EYS: variants seen among roughly 807,000 people sequenced by gnomAD.
The protein encoded by EYS is EGF-like photoreceptor maintenance factor.
In EYS, 250 loss-of-function variants were observed where a neutral mutation model predicts 282.1. The observed-to-expected ratio is 0.89, with a 90% CI of 0.80 to 0.98. The LOEUF (loss-of-function observed/expected upper bound fraction) is 0.98, where lower values mean the gene tolerates loss of function less well. EYS is among the 50% of genes least tolerant of loss of function. The pLI is 0.00. For missense variants in EYS, 4,016 were observed against 3,709.0 expected (o/e 1.08, Z -2.15); for synonymous variants, 1,355 against 1,282.9 (o/e 1.06, Z -1.20).
chr6:64,193,890 C>T (rs1002582273), intron 31 of EYS, among the ~76,000 whole-genome samples: 7 of 152,108 alleles, frequency 4.6e-5, no homozygotes, highest in Non-Finnish European at 1.0e-4. Context: ...TTTCTGAATC[C>T]AGTCTATCAT....
chr6:65,580,982 T>C (rs1367625997), intron 2 of EYS, among the ~76,000 whole-genome samples: 2 of 152,122 alleles, frequency 1.3e-5, no homozygotes, highest in East Asian at 1.9e-4. Context: ...ATTTGACATA[T>C]TTTAATCTAT....
intron 39 of EYS, among the ~76,000 whole-genome samples, chr6:63,785,765 T>C (rs906871216): frequency 1.3e-4 from 20 of 152,184 alleles, no homozygotes; most frequent in African/African-American, 4.6e-4. Flanking sequence ...TCCCAGCACT[T>C]TGGGAGGCCG....
intron 14 of EYS, among the ~76,000 whole-genome samples, chr6:64,947,135 A>G (rs1769312592): frequency 1.3e-5 from 2 of 151,874 alleles, no homozygotes; most frequent in African/African-American, 2.4e-5. Context: ...CTAGCACCCT[A>G]TGTTTAATTA....
intron 29 of EYS, among the ~76,000 whole-genome samples, chr6:64,376,385 G>A (rs1469441250): frequency 6.6e-6 from 1 of 152,176 alleles, no homozygotes; most frequent in African/African-American, 2.4e-5. Flanking sequence ...TTACAACCCT[G>A]AGGATAAATA....
chr6:65,547,922 T>C (rs1392045039), intron 2 of EYS, among the ~76,000 whole-genome samples: 1 of 152,142 alleles, frequency 6.6e-6, no homozygotes, highest in Non-Finnish European at 1.5e-5. Flanking sequence ...GAGGCCTCCT[T>C]ATTTACCTTG....
intron 2 of EYS, among the ~76,000 whole-genome samples, chr6:65,558,795 A>G (rs1562258596): frequency 6.6e-6 from 1 of 152,242 alleles, no homozygotes; most frequent in East Asian, 1.9e-4. Context: ...TGTCTGGAGA[A>G]CACACAGAGG....
chr6:65,656,605 T>A (rs1767840196), intron 1 of EYS, among the ~76,000 whole-genome samples: 1 of 151,858 alleles, frequency 6.6e-6, no homozygotes, highest in Non-Finnish European at 1.5e-5. Context: ...TGAAAGTAAC[T>A]GGGAAGTCAT....
intron 13 of EYS, among the ~76,000 whole-genome samples, chr6:65,011,664 T>C (rs9354204): frequency 0.35 from 53,807 of 152,086 alleles, 11,645 homozygotes; most frequent in Admixed American, 0.49. Flanking sequence ...CTAGCTGGAT[T>C]TCCTAGGCCG....
At chr6:64,573,965 A>G (rs941973069) in intron 26 of EYS, among the ~76,000 whole-genome samples, 1 of 151,932 alleles carries the variant, frequency 6.6e-6, no homozygotes, top group Non-Finnish European at 1.5e-5. Context: ...TACTATAAAG[A>G]CACATACACA....
At chr6:64,534,489 G>A (rs1349706133) in intron 26 of EYS, among the ~76,000 whole-genome samples, 1 of 151,958 alleles carries the variant, frequency 6.6e-6, no homozygotes, top group Non-Finnish European at 1.5e-5. Context: ...CAATAAATAA[G>A]CCAAAGTAAG....
intron 26 of EYS, among the ~76,000 whole-genome samples, chr6:64,445,909 T>A (rs1775102998): frequency 6.6e-6 from 1 of 152,142 alleles, no homozygotes; most frequent in South Asian, 2.1e-4. Flanking sequence ...AAACTGGTAT[T>A]CTGTTAGGAG....
chr6:65,268,682 G>A (rs999739933), intron 12 of EYS, among the ~76,000 whole-genome samples: 27 of 151,976 alleles, frequency 1.8e-4, no homozygotes, highest in South Asian at 4.1e-4. Flanking sequence ...GGAAATGTAA[G>A]GGATTGTATC....
chr6:64,265,688 C>T (rs1396264238), intron 30 of EYS, among the ~76,000 whole-genome samples: 1 of 152,130 alleles, frequency 6.6e-6, no homozygotes, highest in Non-Finnish European at 1.5e-5. Context: ...GAGTACTTCT[C>T]ATTACCAATT....
At chr6:65,027,320 A>C (rs9445456) in intron 13 of EYS, among the ~76,000 whole-genome samples, 5,480 of 152,250 alleles carry the variant, frequency 0.036, 332 homozygotes, top group African/African-American at 0.12. Flanking sequence ...AGTTCTAATA[A>C]ACTTTTCTAA....
intron 12 of EYS, among the ~76,000 whole-genome samples, chr6:65,060,037 T>A (rs1773523158): frequency 6.6e-6 from 1 of 151,954 alleles, no homozygotes; most frequent in South Asian, 2.1e-4. Flanking sequence ...TCAACCTGAA[T>A]GTCACACTGC....
chr6:63,823,641 T>C lies in EYS; in HGVS notation c.7229-17269A>G, dbSNP rs565733284. Among the ~76,000 whole-genome samples the C allele has an allele frequency of 6.6e-5, 10 of 152,312 alleles. No individual in the cohort carries two copies. In the South Asian group the frequency reaches 1.9e-3, roughly 28 times the overall value. On this transcript the variant is annotated intron_variant, in intron 36 of 42. Transcript: ENST00000503581. ...TCATACCTTGAAGAACTTATTTTCT[T>C]TAGCTTTAATAATAACCAAGTTCTT... is the stretch of plus-strand genomic sequence containing the variant.
At chr6:65,412,587 C>T (rs977189734) in intron 5 of EYS, among the ~76,000 whole-genome samples, 2 of 152,078 alleles carry the variant, frequency 1.3e-5, no homozygotes, top group Non-Finnish European at 2.9e-5. Context: ...TGGTCAGTGA[C>T]ATTGAACATC....
At chr6:65,553,712 G>C (rs1215057901) in intron 2 of EYS, among the ~76,000 whole-genome samples, 1 of 150,958 alleles carries the variant, frequency 6.6e-6, no homozygotes, top group Non-Finnish European at 1.5e-5. Context: ...ATAAAATAAT[G>C]ATGAGTTATA....
intron 35 of EYS, among the ~76,000 whole-genome samples, chr6:63,935,113 C>T (rs1249840494): frequency 6.6e-6 from 1 of 152,122 alleles, no homozygotes; most frequent in Non-Finnish European, 1.5e-5. Flanking sequence ...GGAAATTTTT[C>T]CAGAGTGTAA....
Sources: allele counts gnomAD v4.1 joint callset (sites outside exome capture counted in the v4.1 genomes callset), GRCh38; gene constraint gnomAD v4.1.1; transcripts MANE v1.5; gene names NCBI Gene and HGNC (gene_info 2026-07-23, HGNC 2026-07-21).